The following TNNI3K variants were observed in gnomAD, a reference collection of about 807,000 sequenced individuals.
TNNI3K encodes serine/threonine-protein kinase TNNI3K.
In TNNI3K, 140 loss-of-function variants were observed where a neutral mutation model predicts 114.5. The observed-to-expected ratio is 1.22, with a 90% CI of 1.07 to 1.41. TNNI3K has a LOEUF of 1.41. Among genes scored for constraint, TNNI3K ranks in the 40% most tolerant of loss-of-function variants. The pLI, the probability that TNNI3K is intolerant of heterozygous loss-of-function variation, is 0.00. For synonymous variants in TNNI3K, 347 were observed against 347.5 expected (o/e 1.00, Z 0.02); for missense variants, 1,125 against 1,007.6 (o/e 1.12, Z -1.58).
At chr1:74,422,638 C>T (rs1665452338) in intron 17 of TNNI3K, among the ~76,000 whole-genome samples, 1 of 152,082 alleles carries the variant, frequency 6.6e-6, no homozygotes, top group South Asian at 2.1e-4. Flanking sequence ...CTGCTGGAGA[C>T]CAGCCACTGA....
intron 20 of TNNI3K, among the ~76,000 whole-genome samples, chr1:74,457,460 A>C (rs1667273065): frequency 6.6e-6 from 1 of 152,152 alleles, no homozygotes. Context: ...TACGTCATTG[A>C]AAAGTGTCAG....
At chr1:74,543,257 A>G (rs1458260079) in intron 24 of TNNI3K, among the ~76,000 whole-genome samples, 1 of 151,450 alleles carries the variant, frequency 6.6e-6, no homozygotes, top group Non-Finnish European at 1.5e-5. Context: ...GTATTTTAGT[A>G]GAGATGGGGT....
At chr1:74,279,943 A>G (rs888893051) in intron 5 of TNNI3K, among the ~76,000 whole-genome samples, 1 of 152,220 alleles carries the variant, frequency 6.6e-6, no homozygotes, top group African/African-American at 2.4e-5. Flanking sequence ...GAGGCAGAGC[A>G]AAATAGCTGA....
Position 74,544,139 on chromosome 1 carries a change from C to A in TNNI3K, c.*157C>A. 1 of 681,358 alleles carries A rather than the reference C, an allele frequency of 1.5e-6. No individual in the cohort carries two copies. Among genetic ancestry groups the A allele is most frequent in the Non-Finnish European group, 2.3e-6 (1 of 431,086 alleles). 42.2% of individuals were successfully genotyped at this position (681,358 alleles called of 1,614,324 possible). On this transcript the variant is annotated 3_prime_UTR_variant, in exon 25 of 25. Transcript: ENST00000326637. ...GTCCTATTTAATTCCCCACTATTAG[C>A]AGGCTTTGGATTTGTGCCTAAGGAA...
intron 1 of TNNI3K, 64 bp from the exon 2 acceptor site, chr1:74,236,038 T>C: frequency 7.9e-7 from 1 of 1,263,186 alleles, no homozygotes; most frequent in South Asian, 1.3e-5. Context: ...TTGTATGTTA[T>C]GATCTGTGTC....
intron 2 of TNNI3K, chr1:74,240,727 G>A (rs1654139638): frequency 6.6e-6 from 1 of 151,144 alleles, no homozygotes; most frequent in South Asian, 2.1e-4. Flanking sequence ...TCTATAATAT[G>A]AAATTTAAAA....
intron 5 of TNNI3K, among the ~76,000 whole-genome samples, chr1:74,319,749 T>C (rs1659508719): frequency 6.6e-6 from 1 of 152,214 alleles, no homozygotes; most frequent in African/African-American, 2.4e-5. Flanking sequence ...TTGGAAGTCA[T>C]GCAGGGAACA....
intron 23 of TNNI3K, among the ~76,000 whole-genome samples, chr1:74,529,044 C>A (rs756632914): frequency 6.6e-6 from 1 of 152,008 alleles, no homozygotes; most frequent in African/African-American, 2.4e-5. Context: ...TAAATGATGA[C>A]AGTGACATCA....
chr1:74,502,226 G>A (rs1470430176), intron 23 of TNNI3K, among the ~76,000 whole-genome samples: 1 of 152,046 alleles, frequency 6.6e-6, no homozygotes. Flanking sequence ...ACATCATGCA[G>A]GCATAAAATG....
intron 20 of TNNI3K, among the ~76,000 whole-genome samples, chr1:74,442,685 ATACT>A (rs1666428905): frequency 6.6e-6 from 1 of 152,082 alleles, no homozygotes; most frequent in Non-Finnish European, 1.5e-5. Flanking sequence ...TATTTTTATT[ATACT>A]TATCTCTATC....
chr1:74,503,043 A>G (rs1473191437), intron 23 of TNNI3K, among the ~76,000 whole-genome samples: 1 of 152,216 alleles, frequency 6.6e-6, no homozygotes, highest in East Asian at 1.9e-4. Flanking sequence ...AACTGAGTAC[A>G]CTGTAAAATT....
intron 4 of TNNI3K, among the ~76,000 whole-genome samples, chr1:74,264,911 T>A (rs1291915113): frequency 6.6e-6 from 1 of 152,084 alleles, no homozygotes; most frequent in African/African-American, 2.4e-5. Context: ...TTATTTCATT[T>A]GATCTTTATT....
At chr1:74,401,547 C>T (rs556982954) in intron 17 of TNNI3K, among the ~76,000 whole-genome samples, 1 of 152,218 alleles carries the variant, frequency 6.6e-6, no homozygotes, top group African/African-American at 2.4e-5. Flanking sequence ...AATCCATACT[C>T]CATTTGAACA....
chr1:74,347,492 T>G (rs1557511416), intron 9 of TNNI3K, among the ~76,000 whole-genome samples: 1 of 152,144 alleles, frequency 6.6e-6, no homozygotes. Context: ...GCAGCATGAT[T>G]TATAATCCTC....
chr1:74,423,935 T>G (rs1291820289), intron 17 of TNNI3K, among the ~76,000 whole-genome samples: 3 of 152,202 alleles, frequency 2.0e-5, no homozygotes, highest in Non-Finnish European at 4.4e-5. Flanking sequence ...ACATCATGTC[T>G]ACCATTGAAA....
chr1:74,352,838 G>A (rs886175886), intron 9 of TNNI3K, among the ~76,000 whole-genome samples: 7 of 152,202 alleles, frequency 4.6e-5, no homozygotes, highest in African/African-American at 1.4e-4. Context: ...TAGGGTGGGA[G>A]TGACCCAATT....
intron 5 of TNNI3K, among the ~76,000 whole-genome samples, chr1:74,293,133 A>C (rs1347692912): frequency 3.3e-5 from 5 of 151,724 alleles, no homozygotes; most frequent in African/African-American, 9.7e-5. Flanking sequence ...ATTCTACCCT[A>C]GACAGATATT....
intron 5 of TNNI3K, among the ~76,000 whole-genome samples, chr1:74,326,230 G>C (rs1250371645): frequency 6.6e-6 from 1 of 152,154 alleles, no homozygotes; most frequent in East Asian, 1.9e-4. Flanking sequence ...TTTCAACTGA[G>C]ATTGATTGCC....
At chr1:74,353,850 A>G in intron 10 of TNNI3K, 130 bp from the exon 11 acceptor site, 2 of 1,311,472 alleles carry the variant, frequency 1.5e-6, no homozygotes, top group South Asian at 3.2e-5. Flanking sequence ...TTAGTTCTTT[A>G]TCAAAGAAAT....
Sources: allele counts gnomAD v4.1 joint callset (sites outside exome capture counted in the v4.1 genomes callset), GRCh38; gene constraint gnomAD v4.1.1; transcripts MANE v1.5; gene names NCBI Gene and HGNC (gene_info 2026-07-23, HGNC 2026-07-21).